Variants in VPS13A observed in about 807,000 individuals in gnomAD.
The protein encoded by VPS13A is vacuolar protein sorting 13 homolog A.
Under a neutral mutation model 390.9 loss-of-function variants are expected in VPS13A, and 264 were observed. The ratio of observed to expected loss-of-function variants is 0.68; its 90% CI spans 0.61 to 0.75. The LOEUF is 0.75. VPS13A is among the 30% of genes least tolerant of loss of function. The pLI is 0.00. For missense variants in VPS13A, 3,409 were observed against 3,733.9 expected (o/e 0.91, Z 2.27); for synonymous variants, 1,231 against 1,227.1 (o/e 1.00, Z -0.07).
chr9:77,221,889 A>T (rs537008867), intron 13 of VPS13A, among the ~76,000 whole-genome samples: 2 of 152,178 alleles, frequency 1.3e-5, no homozygotes, highest in East Asian at 3.9e-4. Context: ...AATGTCTCTG[A>T]ATTTTCTGCT....
rs779340856 is a variant in VPS13A, at chr9:77,252,368, T to A, written c.2288+16T>A. On this transcript the variant is annotated intron_variant, in intron 22 of 71. Coordinates refer to ENST00000360280, the MANE Select transcript of VPS13A (RefSeq NM_033305.3). Reference sequence around the variant, plus strand: ...GGATGCCCAAGTATGTACTGTTTGTTTCATGTGAATATGGATTTTCTGGGT... The same window carrying A: ...GGATGCCCAAGTATGTACTGTTTGTATCATGTGAATATGGATTTTCTGGGT... 1 of 1,583,262 alleles carries A rather than the reference T, an allele frequency of 6.3e-7. No homozygotes were observed. The highest frequency in any genetic ancestry group is 8.7e-7 in the Non-Finnish European group (1 of 1,152,038).
intron 19 of VPS13A, among the ~76,000 whole-genome samples, chr9:77,243,361 A>G (rs1464564975): frequency 6.6e-6 from 1 of 152,190 alleles, no homozygotes; most frequent in African/African-American, 2.4e-5. Context: ...TTTGAGGATC[A>G]TGTTATTGTG....
At chr9:77,298,968 T>C (rs1413179614) in intron 33 of VPS13A, among the ~76,000 whole-genome samples, 1 of 152,202 alleles carries the variant, frequency 6.6e-6, no homozygotes, top group Non-Finnish European at 1.5e-5. Context: ...AGTTTCAGTT[T>C]TCTGCAAATG....
chr9:77,339,487 TTGTTTTG>T (rs1283833496), intron 47 of VPS13A, 22 bp from the exon 48 acceptor site: 17 of 1,385,514 alleles, frequency 1.2e-5, no homozygotes, highest in African/African-American at 1.2e-4. Context: ...ATTTTAAATT[TTGTTTTG>T]TTTTTTTTTT....
intron 22 of VPS13A, among the ~76,000 whole-genome samples, chr9:77,257,771 A>G (rs1383539451): frequency 6.6e-6 from 1 of 152,132 alleles, no homozygotes; most frequent in African/African-American, 2.4e-5. Flanking sequence ...AGTGAAAAAT[A>G]AAACTGATAC....
At chr9:77,189,615 A>G (rs1023316429) in intron 1 of VPS13A, among the ~76,000 whole-genome samples, 14 of 152,296 alleles carry the variant, frequency 9.2e-5, no homozygotes, top group African/African-American at 2.6e-4. Flanking sequence ...GAATTTTAAA[A>G]TAGTTTTTTC....
At position 77,220,022 on chromosome 9, in the gene VPS13A, C is replaced by G; in HGVS notation, c.823C>G (p.Pro275Ala). The change falls in exon 11 of 72, where the codon CCC (proline) becomes GCC (alanine). Residue 275 changes from proline (P) to alanine (A), a missense_variant. Pro to Ala is a conservative substitution (Grantham distance 27). This residue lies in a region of VPS13A where 2,717 missense variants were observed against 2,917.4 expected (regional missense o/e 0.93). Transcript: ENST00000360280. Reference protein sequence around the residue: ...NRRSDFDFSAPKINLEIELHN... With the variant: ...NRRSDFDFSAAKINLEIELHN... Reference sequence around the variant, plus strand: ...CCGATCTGATTTTGACTTTTCTGCCCCCAAAATAAACTTGGAAATTGAGTT... The same window carrying G: ...CCGATCTGATTTTGACTTTTCTGCCGCCAAAATAAACTTGGAAATTGAGTT... 1 of 1,613,020 alleles carries G rather than the reference C, an allele frequency of 6.2e-7. No homozygotes were observed. The highest frequency in any genetic ancestry group is 2.2e-5 in the East Asian group (1 of 44,810).
intron 68 of VPS13A, among the ~76,000 whole-genome samples, chr9:77,387,645 A>T (rs1833744461): frequency 6.6e-6 from 1 of 152,208 alleles, no homozygotes; most frequent in African/African-American, 2.4e-5. Context: ...CTCACATGGG[A>T]TATAAATAAA....
At chr9:77,414,508 A>T (rs943784506) in intron 71 of VPS13A, among the ~76,000 whole-genome samples, 66 of 151,904 alleles carry the variant, frequency 4.3e-4, no homozygotes, top group Middle Eastern at 3.4e-3. Context: ...CAAACACTGC[A>T]TGTTCTCACT....
intron 1 of VPS13A, among the ~76,000 whole-genome samples, chr9:77,183,439 T>C (rs934163182): frequency 6.6e-6 from 1 of 152,240 alleles, no homozygotes; most frequent in African/African-American, 2.4e-5. Context: ...TACTGCATAT[T>C]AGCTTGAGTT....
intron 19 of VPS13A, among the ~76,000 whole-genome samples, chr9:77,244,120 C>T (rs940315165): frequency 5.9e-5 from 9 of 152,068 alleles, no homozygotes; most frequent in African/African-American, 1.9e-4. Flanking sequence ...TACCTATCGT[C>T]CCAGCTACTT....
chr9:77,366,742 T>G lies in VPS13A; in HGVS notation c.8341T>G (p.Ser2781Ala). Residue 2781 changes from serine to alanine, a missense_variant, in exon 61 of 72, where the codon TCA becomes GCA. Ser to Ala is a moderately conservative substitution (Grantham distance 99). Transcript: ENST00000360280. ...ISPIKLHLSV[S>A]LSSGREEAKD... ...ATCTTTTTAGTTACATTTAAGTGTT[T>G]CACTGAGTTCCGGCAGAGAAGAAGC... The G allele has an allele frequency of 1.2e-6, 2 of 1,612,666 alleles. No individual in the cohort carries two copies. Among genetic ancestry groups the G allele is most frequent in the Non-Finnish European group, 8.5e-7 (1 of 1,179,038 alleles).
In VPS13A at chr9:77,273,327, A is replaced by G. The variant is rs1826457641; in HGVS notation, c.2475A>G (p.Ile825Met). ...SLGTSQISQK[I>M]IPLLELPSVS... is the part of the protein sequence containing the mutation. The stretch of plus-strand genomic sequence containing the variant: ...GAACATCACAGATTTCACAGAAAAT[A>G]ATTCCTCTCTTGGAACTTCCATCTG... Residue 825 changes from isoleucine (I) to methionine (M), a missense_variant, in exon 24 of 72, where the codon ATA becomes ATG. Coordinates refer to ENST00000360280, the MANE Select transcript of VPS13A (RefSeq NM_033305.3). 2 of 1,612,122 alleles carry G rather than the reference A, an allele frequency of 1.2e-6. No individual in the cohort carries two copies. The highest frequency in any genetic ancestry group is 2.2e-5 in the East Asian group (1 of 44,658).
At position 77,356,875 on chromosome 9, in the gene VPS13A, T is replaced by C. The variant is rs747369134; in HGVS notation, c.7806+8T>C. The C allele has an allele frequency of 4.3e-6, 7 of 1,613,320 alleles. No individual in the cohort carries two copies. Among genetic ancestry groups the C allele is most frequent in the Middle Eastern group, 1.7e-4 (1 of 5,966 alleles). On this transcript the variant is annotated splice_region_variant and intron_variant, in intron 55 of 71. Transcript: ENST00000360280. ...TTGGACACTAATGTTCCGGTAATAT[T>C]TTTAAGTACTGATGTGAAGTTTTAA...
chr9:77,177,725 C>T lies in VPS13A; in HGVS notation c.21C>T (p.Val7=). The part of the protein sequence containing the change: MVFESV[V]VDVLNRFLGD... ...GGAACATGGTTTTCGAGTCGGTGGT[C>T]GTGGACGTGTTGAACCGGTTCTTGG... The change falls in exon 1 of 72, where the codon GTC becomes GTT. Residue 7 remains valine, a synonymous_variant. Transcript: ENST00000360280. The T allele has an allele frequency of 6.2e-7, 1 of 1,613,552 alleles. No individual in the cohort carries two copies. The highest frequency in any genetic ancestry group is 8.5e-7 in the Non-Finnish European group (1 of 1,179,650).
intron 53 of VPS13A, among the ~76,000 whole-genome samples, chr9:77,351,862 C>T (rs1300553532): frequency 6.6e-6 from 1 of 151,992 alleles, no homozygotes; most frequent in Non-Finnish European, 1.5e-5. Context: ...AGCAAGACTC[C>T]GTCTCAAAAA....
chr9:77,386,251 A>G (rs914336507), intron 68 of VPS13A, among the ~76,000 whole-genome samples: 5 of 152,218 alleles, frequency 3.3e-5, no homozygotes, highest in African/African-American at 1.2e-4. Context: ...TCCTTCTAAA[A>G]TCTAGAAAGA....
intron 6 of VPS13A, 34 bp downstream of exon 6, chr9:77,209,566 A>G (rs755548637): frequency 7.6e-7 from 1 of 1,324,306 alleles, no homozygotes; most frequent in South Asian, 1.3e-5. Context: ...TTGTTTTTAT[A>G]TTTATATGTA....
At chr9:77,305,870 T>C (rs750084841) in intron 34 of VPS13A, among the ~76,000 whole-genome samples, 4 of 152,212 alleles carry the variant, frequency 2.6e-5, no homozygotes, top group Non-Finnish European at 4.4e-5. Context: ...TGTCCTGACA[T>C]GTAGATACTG....
Sources: gnomAD v4.1 joint callset for allele counts (sites outside exome capture counted in the v4.1 genomes callset) on GRCh38, gnomAD v4.1.1 for gene constraint, gnomAD v4.1.1 regional missense constraint, MANE v1.5 for transcripts, NCBI Gene and HGNC (gene_info 2026-07-23, HGNC 2026-07-21) for gene names.